MAP3K7: variants seen among roughly 807,000 people sequenced by gnomAD.
The protein encoded by MAP3K7 is TGF-beta activated kinase 1.
A neutral mutation model predicts 84.8 loss-of-function variants in MAP3K7; 21 were observed. The ratio of observed to expected loss-of-function variants is 0.25; its 90% CI spans 0.18 to 0.36. MAP3K7 has a LOEUF of 0.36. Among genes scored for constraint, MAP3K7 ranks in the 10% least tolerant of loss-of-function variants. The probability of loss-of-function intolerance (pLI) is 1.00; values close to 1 mark genes in which losing one functional copy is unlikely to be tolerated. For synonymous variants in MAP3K7, 241 were observed against 247.7 expected, an observed-to-expected ratio of 0.97 and a Z score of 0.25; for missense variants, 503 against 747.7, an observed-to-expected ratio of 0.67 and a Z score of 3.82.
chr6:90,537,269 T>G (rs1775711085), intron 12 of MAP3K7: 1 of 151,994 alleles, frequency 6.6e-6, no homozygotes. Flanking sequence ...AAAATTCTTT[T>G]GACTCTGAAA....
chr6:90,539,226 T>C (rs535787587), intron 12 of MAP3K7, among the ~76,000 whole-genome samples: 2 of 152,050 alleles, frequency 1.3e-5, no homozygotes, highest in South Asian at 4.1e-4. Context: ...TTTATTTGCT[T>C]TCCAATAAAC....
At chr6:90,544,420 C>T in intron 12 of MAP3K7, 132 bp downstream of exon 12, 2 of 710,676 alleles carry the variant, frequency 2.8e-6, no homozygotes, top group East Asian at 5.2e-5. Context: ...TTCAATCTGT[C>T]TCCCTAATTA....
intron 1 of MAP3K7, among the ~76,000 whole-genome samples, chr6:90,586,524 G>A (rs900192064): frequency 2.6e-5 from 4 of 152,186 alleles, no homozygotes; most frequent in Non-Finnish European, 5.9e-5. Context: ...TTTATCACCG[G>A]AATATCAAAT....
chr6:90,562,191 C>T (rs1313115785), intron 3 of MAP3K7, among the ~76,000 whole-genome samples: 3 of 152,210 alleles, frequency 2.0e-5, no homozygotes, highest in Admixed American at 6.5e-5. Flanking sequence ...TTCTGCATTT[C>T]CAACTGAGGT....
intron 7 of MAP3K7, 87 bp from the exon 8 acceptor site, chr6:90,552,266 T>A: frequency 8.1e-7 from 1 of 1,241,244 alleles, no homozygotes; most frequent in Middle Eastern, 2.2e-4. Context: ...CAAAGTGGTA[T>A]TTATTTTATA....
chr6:90,557,631 A>G (rs574917836), intron 5 of MAP3K7, among the ~76,000 whole-genome samples: 17 of 152,338 alleles, frequency 1.1e-4, no homozygotes, highest in Admixed American at 5.9e-4. Flanking sequence ...CAAGAAAATT[A>G]TAAGAACTCT....
intron 1 of MAP3K7, among the ~76,000 whole-genome samples, chr6:90,580,442 A>G (rs1470819498): frequency 6.6e-6 from 1 of 152,212 alleles, no homozygotes; most frequent in Non-Finnish European, 1.5e-5. Context: ...TTTCTGAATA[A>G]TACAGTTTAT....
intron 3 of MAP3K7, among the ~76,000 whole-genome samples, chr6:90,562,962 C>T (rs1440108839): frequency 2.6e-5 from 4 of 152,204 alleles, no homozygotes; most frequent in Non-Finnish European, 5.9e-5. Context: ...CAGACAAACA[C>T]GGTCTGGAGT....
chr6:90,553,147 T>C (rs1776232368), intron 7 of MAP3K7, among the ~76,000 whole-genome samples: 1 of 152,306 alleles, frequency 6.6e-6, no homozygotes, highest in South Asian at 2.1e-4. Context: ...ATTTTTTCCA[T>C]GATCCAGCCT....
rs1774889367 is a variant in MAP3K7, at chr6:90,514,312, G to A, written c.*2189C>T. ...TTTCTCCCATCTCCAAGGATCATCA[G>A]GACTTAAAAGCATGAAATTGACAAC... On this transcript the variant is annotated 3_prime_UTR_variant, in exon 17 of 17. Transcript: ENST00000369329. The A allele has an allele frequency of 6.6e-6, 1 of 152,040 alleles. No individual in the cohort carries two copies. Among genetic ancestry groups the A allele is most frequent in the East Asian group, 1.9e-4 (1 of 5,184 alleles). 9.4% of individuals were successfully genotyped at this position (152,040 alleles called of 1,614,324 possible). A position where few individuals can be genotyped will look rare whatever the true frequency, so the allele number is the denominator to read the frequency against.
chr6:90,539,986 G>A (rs765665874), intron 12 of MAP3K7, among the ~76,000 whole-genome samples: 1 of 151,910 alleles, frequency 6.6e-6, no homozygotes, highest in Non-Finnish European at 1.5e-5. Context: ...AAGCGAATAC[G>A]CGTTTTTTAT....
intron 9 of MAP3K7, among the ~76,000 whole-genome samples, chr6:90,549,014 A>G (rs898024644): frequency 1.3e-5 from 2 of 152,148 alleles, no homozygotes; most frequent in African/African-American, 4.8e-5. Flanking sequence ...AAGAGAAGCT[A>G]GTGAATGCAA....
chr6:90,555,917 T>C (rs1255519953), intron 6 of MAP3K7, among the ~76,000 whole-genome samples: 4 of 152,254 alleles, frequency 2.6e-5, no homozygotes, highest in African/African-American at 4.8e-5. Flanking sequence ...ATATGTATAT[T>C]GTCTGTTAAG....
chr6:90,522,281 TGA>T (rs1221205014), intron 14 of MAP3K7, among the ~76,000 whole-genome samples: 1 of 152,124 alleles, frequency 6.6e-6, no homozygotes, highest in East Asian at 1.9e-4. Context: ...AGCAGTTATG[TGA>T]GAGAGAGCCT....
At chr6:90,582,593 T>C (rs1350654662) in intron 1 of MAP3K7, among the ~76,000 whole-genome samples, 2 of 152,126 alleles carry the variant, frequency 1.3e-5, no homozygotes, top group Non-Finnish European at 2.9e-5. Flanking sequence ...TCTTAAGTTA[T>C]GGGGGAACAG....
chr6:90,543,657 A>T (rs1265610490), intron 12 of MAP3K7, among the ~76,000 whole-genome samples: 1 of 152,114 alleles, frequency 6.6e-6, no homozygotes, highest in African/African-American at 2.4e-5. Flanking sequence ...GGCAAAGGAC[A>T]GCATGCTGAA....
chr6:90,578,630 A>T (rs1777165259), intron 1 of MAP3K7, among the ~76,000 whole-genome samples: 1 of 152,148 alleles, frequency 6.6e-6, no homozygotes, highest in Admixed American at 6.5e-5. Context: ...TATCCATAAG[A>T]GTAGAAGATA....
Position 90,552,279 on chromosome 6 carries a change from T to A in MAP3K7, c.737-100A>T, listed in dbSNP as rs1250959911. ...TCCAAAGTGGTATTTATTTTATAGA[T>A]CTTGTAGTTTAAGATCTGTAATTTG... On this transcript the variant is annotated intron_variant, in intron 7 of 16. Coordinates refer to ENST00000369329, the MANE Select transcript of MAP3K7 (RefSeq NM_145331.3). 2.7e-6 allele frequency: 3 copies of A among 1,126,756 alleles called. No individual in the cohort carries two copies. The African/African-American group carries it at 4.7e-5, about 17-fold the overall frequency. The allele number at this position is 1,126,756 out of a possible 1,614,324, so 69.8% of individuals were successfully genotyped here. A position where few individuals can be genotyped will look rare whatever the true frequency, so the allele number is the denominator to read the frequency against.
At chr6:90,537,394 T>C (rs571142026) in intron 12 of MAP3K7, among the ~76,000 whole-genome samples, 1 of 152,136 alleles carries the variant, frequency 6.6e-6, no homozygotes, top group South Asian at 2.1e-4. Flanking sequence ...ACTTCCAGAA[T>C]CTTTCGTAGA....
Sources: allele counts gnomAD v4.1 joint callset (sites outside exome capture counted in the v4.1 genomes callset), GRCh38; gene constraint gnomAD v4.1.1; transcripts MANE v1.5; gene names NCBI Gene and HGNC (gene_info 2026-07-23, HGNC 2026-07-21).